FLI1: variants seen among roughly 807,000 people sequenced by gnomAD.
FLI1 encodes the protein Fli-1 proto-oncogene, ETS transcription factor.
In FLI1, 13 loss-of-function variants were observed where a neutral mutation model predicts 53.1. That is an observed-to-expected ratio of 0.24 (90% CI 0.16 to 0.39). FLI1 has a LOEUF of 0.39. Ranked by LOEUF, FLI1 falls within the 10% of genes least tolerant of loss-of-function variation. The pLI is 1.00. For missense variants in FLI1, 424 were observed against 600.5 expected (o/e 0.71, Z 3.07); for synonymous variants, 244 against 236.7 (o/e 1.03, Z -0.28).
chr11:128,762,546 C>T (rs1941162903), intron 2 of FLI1, among the ~76,000 whole-genome samples: 1 of 152,188 alleles, frequency 6.6e-6, no homozygotes, highest in Admixed American at 6.5e-5. Flanking sequence ...ATTTATTATG[C>T]TGAAATGATC....
intron 4 of FLI1, among the ~76,000 whole-genome samples, chr11:128,780,527 G>A (rs591706): frequency 0.4 from 61,094 of 152,116 alleles, 13,422 homozygotes; most frequent in Middle Eastern, 0.68. Flanking sequence ...TCTGCGAGGC[G>A]GAGGTTGCAG....
chr11:128,798,633 G>T (rs1942516777), intron 5 of FLI1, among the ~76,000 whole-genome samples: 1 of 152,176 alleles, frequency 6.6e-6, no homozygotes, highest in South Asian at 2.1e-4. Context: ...AAGGAAACCT[G>T]ATCCAGGATG....
intron 5 of FLI1, among the ~76,000 whole-genome samples, chr11:128,795,875 T>C (rs565962681): frequency 1.3e-5 from 2 of 152,320 alleles, no homozygotes; most frequent in Admixed American, 6.5e-5. Context: ...ATATGCATGG[T>C]GTCATTTATT....
chr11:128,784,327 C>A (rs189855496), intron 5 of FLI1, among the ~76,000 whole-genome samples: 1 of 148,608 alleles, frequency 6.7e-6, no homozygotes, highest in Admixed American at 6.8e-5. Context: ...CTTCCCTTGG[C>A]CCTTTTGTGT....
chr11:128,688,882 T>C (rs926191461), intron 1 of FLI1, among the ~76,000 whole-genome samples: 8 of 152,186 alleles, frequency 5.3e-5, no homozygotes, highest in African/African-American at 9.7e-5. Flanking sequence ...GTGTCTGTAT[T>C]AGCTCATTTA....
Position 128,811,909 on chromosome 11 carries a change from G to A in FLI1, c.*921G>A, listed in dbSNP as rs556695014. On this transcript the variant is annotated 3_prime_UTR_variant, in exon 9 of 9. Coordinates refer to ENST00000527786, the MANE Select transcript of FLI1 (RefSeq NM_002017.5). Reference sequence around the variant, plus strand: ...AATTAAAAATTAAGAATAAATAAACGAGTTGACCTCGGTCACAAAAGCAGT... The same window carrying A: ...AATTAAAAATTAAGAATAAATAAACAAGTTGACCTCGGTCACAAAAGCAGT... 7 of 198,378 alleles carry A rather than the reference G, an allele frequency of 3.5e-5. No individual in the cohort carries two copies. Among genetic ancestry groups the A allele is most frequent in the South Asian group, 1.9e-4 (1 of 5,216 alleles). The allele number at this position is 198,378 out of a possible 1,614,324, so 12.3% of individuals were successfully genotyped here.
chr11:128,716,202 A>T (rs550698124), intron 1 of FLI1, among the ~76,000 whole-genome samples: 1 of 152,246 alleles, frequency 6.6e-6, no homozygotes, highest in South Asian at 2.1e-4. Flanking sequence ...GATTTAGAGA[A>T]GTTGATCTGG....
chr11:128,724,488 G>T (rs2135741812), intron 1 of FLI1, among the ~76,000 whole-genome samples: 1 of 152,310 alleles, frequency 6.6e-6, no homozygotes. Flanking sequence ...GTTTCCAGAA[G>T]AGGATGTGAC....
chr11:128,805,651 C>A, intron 6 of FLI1: 4 of 516,850 alleles, frequency 7.7e-6, no homozygotes, highest in Non-Finnish European at 1.4e-5. Context: ...TTATTGCGCT[C>A]GGTTTTAGAA....
At chr11:128,739,305 G>C (rs542760832) in intron 1 of FLI1, among the ~76,000 whole-genome samples, 2 of 152,268 alleles carry the variant, frequency 1.3e-5, no homozygotes, top group South Asian at 4.1e-4. Context: ...ATGAGCTGTG[G>C]GGTAGAGGGA....
chr11:128,770,047 T>C (rs780822619), intron 3 of FLI1, among the ~76,000 whole-genome samples: 1 of 152,182 alleles, frequency 6.6e-6, no homozygotes, highest in Non-Finnish European at 1.5e-5. Context: ...GGATCTGAGA[T>C]TGTCTTTGAA....
chr11:128,751,318 G>A (rs1032763827), intron 1 of FLI1, among the ~76,000 whole-genome samples: 1 of 151,512 alleles, frequency 6.6e-6, no homozygotes, highest in African/African-American at 2.4e-5. Flanking sequence ...TGGTTCTCAC[G>A]CCATTTCTCA....
chr11:128,731,891 C>T (rs1939712923), intron 1 of FLI1, among the ~76,000 whole-genome samples: 1 of 151,782 alleles, frequency 6.6e-6, no homozygotes, highest in Non-Finnish European at 1.5e-5. Context: ...TAATTCCAGC[C>T]ACTTCGGAGG....
At chr11:128,804,468 C>T (rs1004907283) in intron 5 of FLI1, 3 of 152,206 alleles carry the variant, frequency 2.0e-5, no homozygotes, top group Non-Finnish European at 4.4e-5. Flanking sequence ...AATTTCTCAA[C>T]ACATTTATGG....
chr11:128,764,636 A>G, intron 2 of FLI1: 1 of 1,531,036 alleles, frequency 6.5e-7, no homozygotes, highest in South Asian at 1.2e-5. Flanking sequence ...TGTTTTCATC[A>G]AGCCTTCTTC....
intron 1 of FLI1, among the ~76,000 whole-genome samples, chr11:128,757,056 C>CTTTCTTTCTTTCTTTCTTT (rs1277650738): frequency 2.4e-4 from 28 of 117,988 alleles, no homozygotes; most frequent in African/African-American, 1.0e-3. Context: ...TTCTTTCTTT[C>CTTTCTTTCTTTCTTTCTTT]TTTCTTTCTT....
upstream of FLI1, chr11:128,693,120 CA>C (rs1480762293): frequency 6.5e-6 from 1 of 152,680 alleles, no homozygotes; most frequent in African/African-American, 2.4e-5. Context: ...GCCTGGGAGT[CA>C]GTGCTTGGGC....
Position 128,810,416 on chromosome 11 carries a change from G to A in FLI1, c.830-43G>A. 6.5e-7 allele frequency: 1 copy of A among 1,543,844 alleles called. No homozygotes were observed. Among genetic ancestry groups the A allele is most frequent in the Non-Finnish European group, 8.7e-7 (1 of 1,145,844 alleles). The stretch of plus-strand genomic sequence containing the variant: ...GGGAACTGGGTTCTGCCTTCTCTGG[G>A]CTGAGGTGTTCTGTTCTCTCCCGTT... On this transcript the variant is annotated intron_variant, in intron 8 of 8. Coordinates refer to ENST00000527786, the MANE Select transcript of FLI1 (RefSeq NM_002017.5). This position sits in a 1 kb window ranked among gnomAD's most constrained non-coding sequence, Gnocchi z 6.6.
At chr11:128,765,390 C>A (rs918220733) in intron 2 of FLI1, among the ~76,000 whole-genome samples, 8 of 152,228 alleles carry the variant, frequency 5.3e-5, no homozygotes, top group African/African-American at 1.9e-4. Context: ...GACTTCTCTG[C>A]ACAGCAAGAG....
Sources: gnomAD v4.1 joint callset for allele counts (sites outside exome capture counted in the v4.1 genomes callset) on GRCh38, gnomAD v4.1.1 for gene constraint, Gnocchi (gnomAD v3.1) non-coding constraint, MANE v1.5 for transcripts, NCBI Gene and HGNC (gene_info 2026-07-23, HGNC 2026-07-21) for gene names.